Variants in GNB4 observed in about 807,000 individuals in gnomAD.
GNB4 encodes guanine nucleotide-binding protein subunit beta-4.
Under a neutral mutation model 45.2 loss-of-function variants are expected in GNB4, and 28 were observed. The observed-to-expected ratio is 0.62, with a 90% CI of 0.46 to 0.85. The LOEUF (loss-of-function observed/expected upper bound fraction) is 0.85. Ranked by LOEUF, GNB4 falls within the 40% of genes least tolerant of loss-of-function variation. The probability of loss-of-function intolerance (pLI) is 0.00; values close to 1 mark genes in which losing one functional copy is unlikely to be tolerated. For synonymous variants in GNB4, 132 were observed against 143.7 expected (o/e 0.92, Z 0.58); for missense variants, 321 against 425.4 (o/e 0.75, Z 2.16).
the GNB4 span, among the ~76,000 whole-genome samples, chr3:179,504,414 T>G: frequency 6.6e-6 from 1 of 152,186 alleles, no homozygotes; most frequent in Non-Finnish European, 1.5e-5. Context: ...GCTAAAAGGT[T>G]GTGAAACTCT....
chr3:179,481,233 T>C, the GNB4 span, among the ~76,000 whole-genome samples: 1 of 152,188 alleles, frequency 6.6e-6, no homozygotes. Context: ...ATAAAATTAA[T>C]CCTGAGAAAG....
chr3:179,419,467 C>T lies in GNB4; in HGVS notation c.135G>A (p.Met45Ile), dbSNP rs1025578873. The change falls in exon 4 of 10, where the codon ATG (methionine) becomes ATA (isoleucine). Residue 45 changes from methionine to isoleucine, a missense_variant. Met to Ile is a conservative substitution (Grantham distance 10). Transcript: ENST00000232564. ...GGCCCCTCAGTGTACGTCTTGTTCGCATTTGTATTCGACCCACAGAGTCCA... is the reference window on the plus strand; with the variant it reads ...GGCCCCTCAGTGTACGTCTTGTTCGTATTTGTATTCGACCCACAGAGTCCA... ...SNMDSVGRIQMRTRRTLRGHL... is the reference protein window; with the variant it reads ...SNMDSVGRIQIRTRRTLRGHL... 1.2e-6 allele frequency: 2 copies of T among 1,612,714 alleles called. No homozygotes were observed. Among genetic ancestry groups the T allele is most frequent in the African/African-American group, 2.7e-5 (2 of 74,882 alleles).
intron 5 of GNB4, among the ~76,000 whole-genome samples, chr3:179,415,447 G>C (rs9864857): frequency 0.027 from 4,100 of 152,248 alleles, 170 homozygotes; most frequent in African/African-American, 0.087. Flanking sequence ...ACAAGAACTA[G>C]GGAAATAATT....
chr3:179,434,356 C>G (rs1268809845), intron 1 of GNB4, among the ~76,000 whole-genome samples: 1 of 152,078 alleles, frequency 6.6e-6, no homozygotes, highest in African/African-American at 2.4e-5. Context: ...TTCCAGGAGA[C>G]ACACATTGGC....
the GNB4 span, chr3:179,464,382 T>C: frequency 9.4e-6 from 10 of 1,069,112 alleles, no homozygotes; most frequent in Non-Finnish European, 1.3e-5. Flanking sequence ...GTTGGCTGCC[T>C]GGCTGCTGCA....
the GNB4 span, among the ~76,000 whole-genome samples, chr3:179,476,320 G>A: frequency 2.0e-5 from 3 of 152,214 alleles, no homozygotes; most frequent in African/African-American, 7.2e-5. Context: ...CCTATATCCT[G>A]CAACCTGGGC....
At chr3:179,491,198 G>C in the GNB4 span, among the ~76,000 whole-genome samples, 1 of 152,156 alleles carries the variant, frequency 6.6e-6, no homozygotes, top group African/African-American at 2.4e-5. Context: ...ATAAGAAAAG[G>C]TTCCTGTGCT....
chr3:179,445,497 G>T (rs1715699035), intron 1 of GNB4, among the ~76,000 whole-genome samples: 1 of 152,066 alleles, frequency 6.6e-6, no homozygotes, highest in Non-Finnish European at 1.5e-5. Flanking sequence ...TGTTGCCCAG[G>T]CTGGTCTTAA....
chr3:179,401,486 TAAG>T (rs1420751786), intron 9 of GNB4, among the ~76,000 whole-genome samples, 167 bp from the exon 10 acceptor site: 1 of 152,202 alleles, frequency 6.6e-6, no homozygotes, highest in Non-Finnish European at 1.5e-5. Context: ...TTTCTCTGAG[TAAG>T]AAGACAAGTT....
the GNB4 span, among the ~76,000 whole-genome samples, chr3:179,488,742 TGG>T: frequency 1.3e-5 from 2 of 151,758 alleles, no homozygotes; most frequent in African/African-American, 4.8e-5. Flanking sequence ...CTTAGCACTT[TGG>T]GAGGCTGAGG....
intron 2 of GNB4, among the ~76,000 whole-genome samples, chr3:179,423,265 T>C (rs1715046775): frequency 6.6e-6 from 1 of 152,086 alleles, no homozygotes; most frequent in East Asian, 1.9e-4. Flanking sequence ...AAATTATCCA[T>C]CTAGGTACAA....
chr3:179,398,638 C>T lies in GNB4; in HGVS notation c.*2575G>A, dbSNP rs1255538689. 1.3e-5 allele frequency: 2 copies of T among 152,102 alleles called. No homozygotes were observed. The highest frequency in any genetic ancestry group is 1.3e-4 in the Admixed American group (2 of 15,268). 9.4% of individuals were successfully genotyped at this position (152,102 alleles called of 1,614,324 possible). On this transcript the variant is annotated 3_prime_UTR_variant, in exon 10 of 10. Coordinates refer to ENST00000232564, the MANE Select transcript of GNB4 (RefSeq NM_021629.4). ...AACTAAGATCCAAACTATTCAACAT[C>T]TCTACAAATTATATACTCATTGAAT... is the stretch of plus-strand genomic sequence containing the variant.
chr3:179,518,389 C>T, the GNB4 span, among the ~76,000 whole-genome samples: 12 of 152,016 alleles, frequency 7.9e-5, no homozygotes, highest in South Asian at 2.1e-4. Flanking sequence ...CAATGCAACT[C>T]GTCCCAAATC....
At chr3:179,450,809 CT>C (rs1715849493) in intron 1 of GNB4, among the ~76,000 whole-genome samples, 1 of 152,226 alleles carries the variant, frequency 6.6e-6, no homozygotes, top group African/African-American at 2.4e-5. Context: ...CATCAATCCC[CT>C]CCCATCCCCA....
the GNB4 span, among the ~76,000 whole-genome samples, chr3:179,482,423 T>C: frequency 1.3e-5 from 2 of 152,226 alleles, no homozygotes; most frequent in Admixed American, 6.5e-5. Flanking sequence ...ATTATTTTCA[T>C]CTGTGAACTT....
chr3:179,464,505 C>G, the GNB4 span: 3 of 1,611,144 alleles, frequency 1.9e-6, no homozygotes, highest in African/African-American at 4.0e-5. Context: ...GCAGGAAGTG[C>G]GGCAGGAGGT....
chr3:179,460,452 T>G, the GNB4 span, among the ~76,000 whole-genome samples: 1 of 152,226 alleles, frequency 6.6e-6, no homozygotes, highest in South Asian at 2.1e-4. Context: ...AGGAGGTTCC[T>G]CTTTAGTGAC....
At chr3:179,454,612 C>A (rs966518084), upstream of GNB4, among the ~76,000 whole-genome samples, 9 of 152,174 alleles carry the variant, frequency 5.9e-5, no homozygotes, top group African/African-American at 2.2e-4. Flanking sequence ...GTTTGTATAT[C>A]CTGCTTTTAA....
intron 2 of GNB4, 132 bp downstream of exon 2, chr3:179,426,012 C>T (rs1428331192): frequency 1.5e-5 from 10 of 675,076 alleles, no homozygotes; most frequent in Admixed American, 1.0e-4. Context: ...GTTCTTACTT[C>T]GCCATGTGAG....
Sources: allele counts gnomAD v4.1 joint callset (sites outside exome capture counted in the v4.1 genomes callset), GRCh38; gene constraint gnomAD v4.1.1; transcripts MANE v1.5; gene names NCBI Gene and HGNC (gene_info 2026-07-23, HGNC 2026-07-21).